The following ERBB4 variants were observed in gnomAD, a reference collection of about 807,000 sequenced individuals.
ERBB4 encodes receptor tyrosine-protein kinase erbB-4.
A neutral mutation model predicts 158.0 loss-of-function variants in ERBB4; 42 were observed. The observed-to-expected ratio is 0.27, with a 90% CI of 0.21 to 0.34. ERBB4 has a LOEUF of 0.34. Among genes scored for constraint, ERBB4 ranks in the 10% least tolerant of loss-of-function variants. The probability of loss-of-function intolerance (pLI) is 1.00; values close to 1 mark genes in which losing one functional copy is unlikely to be tolerated. For missense variants in ERBB4, 1,333 were observed against 1,624.1 expected (o/e 0.82, Z 3.08); for synonymous variants, 583 against 558.7 (o/e 1.04, Z -0.61).
At chr2:212,526,272 T>C (rs537014156) in intron 1 of ERBB4, among the ~76,000 whole-genome samples, 53 of 152,172 alleles carry the variant, frequency 3.5e-4, no homozygotes, top group Non-Finnish European at 6.2e-4. Context: ...ATTTGTCTTA[T>C]CTTTTTCTCT....
chr2:211,392,477 T>C (rs957528843), intron 25 of ERBB4, among the ~76,000 whole-genome samples: 2 of 152,040 alleles, frequency 1.3e-5, no homozygotes, highest in Non-Finnish European at 2.9e-5. Flanking sequence ...TATTTATGTA[T>C]ACATATATTT....
chr2:212,188,713 C>T (rs1449722795), intron 1 of ERBB4, among the ~76,000 whole-genome samples: 1 of 151,898 alleles, frequency 6.6e-6, no homozygotes, highest in Non-Finnish European at 1.5e-5. Context: ...CCTACTAGAT[C>T]CTTCAGAACT....
chr2:211,722,445 G>T lies in ERBB4; in HGVS notation c.831C>A (p.His277Gln), dbSNP rs1176565405. The change falls in exon 7 of 28, where the codon CAC becomes CAA. Residue 277 changes from histidine to glutamine, a missense_variant. His to Gln is a conservative substitution (Grantham distance 24). Transcript: ENST00000342788. Reference protein sequence around the residue: ...VYNPTTFQLEHNFNAKYTYGA... With the variant: ...VYNPTTFQLEQNFNAKYTYGA... ...CATATGTGTACTTTGCATTGAAATT[G>T]TGCTCCAGTTGAAAGGTGGTTGGAT... 1 of 1,613,600 alleles carries T rather than the reference G, an allele frequency of 6.2e-7. No individual in the cohort carries two copies. Among genetic ancestry groups the T allele is most frequent in the East Asian group, 2.2e-5 (1 of 44,866 alleles).
intron 2 of ERBB4, among the ~76,000 whole-genome samples, chr2:211,975,159 T>C (rs2081569301): frequency 6.6e-6 from 1 of 152,108 alleles, no homozygotes; most frequent in South Asian, 2.1e-4. Flanking sequence ...TTTTGTATCT[T>C]TTTGTAGATA....
chr2:211,942,865 T>C (rs1026866309), intron 3 of ERBB4, among the ~76,000 whole-genome samples: 1 of 152,126 alleles, frequency 6.6e-6, no homozygotes, highest in Admixed American at 6.6e-5. Flanking sequence ...TTCAAATATC[T>C]AAGGTGAAAT....
intron 25 of ERBB4, among the ~76,000 whole-genome samples, chr2:211,404,644 G>GTGT (rs951583063): frequency 1.3e-5 from 2 of 151,890 alleles, no homozygotes; most frequent in Non-Finnish European, 2.9e-5. Flanking sequence ...TCTTGGTTAA[G>GTGT]TGTTTGTTTG....
intron 1 of ERBB4, among the ~76,000 whole-genome samples, chr2:212,272,619 A>C (rs1449271295): frequency 6.6e-6 from 1 of 151,794 alleles, no homozygotes; most frequent in African/African-American, 2.4e-5. Flanking sequence ...TCTGTGGGTT[A>C]AGCTATTAGG....
At chr2:211,679,420 GA>G (rs1226124746) in intron 12 of ERBB4, among the ~76,000 whole-genome samples, 4 of 152,086 alleles carry the variant, frequency 2.6e-5, no homozygotes, top group Non-Finnish European at 5.9e-5. Context: ...AAACAAAAGT[GA>G]ATTGCCTATA....
intron 3 of ERBB4, among the ~76,000 whole-genome samples, chr2:211,800,664 A>G (rs1234116385): frequency 6.8e-6 from 1 of 146,164 alleles, no homozygotes; most frequent in African/African-American, 2.7e-5. Context: ...TGCGTTAAAA[A>G]AAAAAAAAAA....
At chr2:211,753,038 G>C (rs2075179600) in intron 4 of ERBB4, among the ~76,000 whole-genome samples, 1 of 152,138 alleles carries the variant, frequency 6.6e-6, no homozygotes, top group African/African-American at 2.4e-5. Flanking sequence ...ATCTGTCCTA[G>C]TACTCAGTTC....
intron 1 of ERBB4, among the ~76,000 whole-genome samples, chr2:212,513,814 A>AAATAAATAAATAAAT (rs1553656326): frequency 2.6e-4 from 39 of 151,892 alleles, no homozygotes; most frequent in African/African-American, 8.0e-4. Flanking sequence ...TCCGTCTCAA[A>AAATAAATAAATAAAT]AAATAAATAA....
At chr2:211,820,110 CAGAT>C (rs1219530344) in intron 3 of ERBB4, among the ~76,000 whole-genome samples, 1 of 151,694 alleles carries the variant, frequency 6.6e-6, no homozygotes, top group Non-Finnish European at 1.5e-5. Context: ...GGTACATAAA[CAGAT>C]AATTCAAAAG....
At chr2:211,750,587 T>G in intron 5 of ERBB4, 52 bp downstream of exon 5, 1 of 1,466,696 alleles carries the variant, frequency 6.8e-7, no homozygotes, top group Middle Eastern at 1.7e-4. Flanking sequence ...GACCAATCAT[T>G]AAAATTCCTT....
chr2:211,840,484 T>C (rs1272117373), intron 3 of ERBB4, among the ~76,000 whole-genome samples: 1 of 152,142 alleles, frequency 6.6e-6, no homozygotes, highest in Non-Finnish European at 1.5e-5. Context: ...GCAGTTTCCA[T>C]GGATGGGCCT....
Position 211,431,041 on chromosome 2 carries a change from G to A in ERBB4, c.2547C>T (p.Val849=), listed in dbSNP as rs2063738357. ...LVHRDLAARN[V]LVKSPNHVKI... Reference sequence around the variant, plus strand: ...TCACATGGTTTGGAGATTTCACTAAGACATTACGGGCTGCCAAATCCCGAT... The same window carrying A: ...TCACATGGTTTGGAGATTTCACTAAAACATTACGGGCTGCCAAATCCCGAT... Residue 849 remains valine, a synonymous_variant, in exon 21 of 28, where the codon GTC becomes GTT. Transcript: ENST00000342788. 1 of 1,613,846 alleles carries A rather than the reference G, an allele frequency of 6.2e-7. No individual in the cohort carries two copies. Among genetic ancestry groups the A allele is most frequent in the Non-Finnish European group, 8.5e-7 (1 of 1,179,766 alleles).
intron 1 of ERBB4, among the ~76,000 whole-genome samples, chr2:212,325,005 A>C (rs4673659): frequency 0.69 from 103,047 of 150,046 alleles, 37,227 homozygotes; most frequent in Non-Finnish European, 0.75. Context: ...TAAGTAAAAT[A>C]TTACAAGCAA....
At chr2:212,410,246 G>A (rs532399482) in intron 1 of ERBB4, among the ~76,000 whole-genome samples, 2 of 122,544 alleles carry the variant, frequency 1.6e-5, no homozygotes, top group East Asian at 3.9e-4. Flanking sequence ...TTATTGCTAT[G>A]TTTATTTGTG....
intron 1 of ERBB4, among the ~76,000 whole-genome samples, chr2:212,258,299 C>CA (rs2084812957): frequency 1.3e-5 from 2 of 151,712 alleles, no homozygotes; most frequent in Admixed American, 1.3e-4. Context: ...GTTACATTAA[C>CA]AAAAATCAAA....
At chr2:212,219,182 G>T (rs1352844920) in intron 1 of ERBB4, among the ~76,000 whole-genome samples, 2 of 151,346 alleles carry the variant, frequency 1.3e-5, no homozygotes, top group African/African-American at 4.8e-5. Context: ...GAGACCCAAA[G>T]AAGTTATGAT....
Sources: allele counts gnomAD v4.1 joint callset (sites outside exome capture counted in the v4.1 genomes callset), GRCh38; gene constraint gnomAD v4.1.1; transcripts MANE v1.5; gene names NCBI Gene and HGNC (gene_info 2026-07-23, HGNC 2026-07-21).